The following USP37 variants were observed in gnomAD, a reference collection of about 807,000 sequenced individuals.
USP37 encodes ubiquitin specific peptidase 37, also known as ubiquitin carboxyl-terminal hydrolase 37.
Under a neutral mutation model 124.0 loss-of-function variants are expected in USP37, and 27 were observed. The ratio of observed to expected loss-of-function variants is 0.22; its 90% CI spans 0.16 to 0.30. The LOEUF (loss-of-function observed/expected upper bound fraction) is 0.30. Among genes scored for constraint, USP37 ranks in the 10% least tolerant of loss-of-function variants. The pLI is 1.00. For missense variants in USP37, 889 were observed against 1,140.4 expected (o/e 0.78, Z 3.17); for synonymous variants, 365 against 388.0 (o/e 0.94, Z 0.70).
At chr2:218,476,203 T>A (rs1690965814) in intron 19 of USP37, among the ~76,000 whole-genome samples, 1 of 152,186 alleles carries the variant, frequency 6.6e-6, no homozygotes, top group Non-Finnish European at 1.5e-5. Context: ...ATCCAATTAA[T>A]AAATCCATAA....
At chr2:218,552,436 G>C (rs890813256) in intron 5 of USP37, among the ~76,000 whole-genome samples, 1 of 152,000 alleles carries the variant, frequency 6.6e-6, no homozygotes, top group Non-Finnish European at 1.5e-5. Context: ...TGGCTGTAGG[G>C]CCAGGCAGTG....
At chr2:218,554,680 G>C (rs1054056767) in intron 4 of USP37, among the ~76,000 whole-genome samples, 6 of 151,430 alleles carry the variant, frequency 4.0e-5, no homozygotes, top group African/African-American at 7.3e-5. Context: ...CCAGGAAGTG[G>C]AGGCTGCAGT....
intron 20 of USP37, among the ~76,000 whole-genome samples, chr2:218,474,414 T>C (rs1414365159): frequency 6.6e-6 from 1 of 152,134 alleles, no homozygotes; most frequent in Non-Finnish European, 1.5e-5. Context: ...CAGGCTGGAG[T>C]GCAGTGGTGC....
chr2:218,470,181 C>A lies in USP37; in HGVS notation c.2300-4005G>T, dbSNP rs73074856. ...TTCTTCCCCACGCCCTAATTGAAAC[C>A]CACTCTCTTCCTGATATTCTATATT... On this transcript the variant is annotated intron_variant, in intron 20 of 25. Transcript: ENST00000258399. 2.9e-3 allele frequency among the ~76,000 whole-genome samples: 439 copies of A among 152,242 alleles called. 4 individuals are homozygous for A. The highest frequency in any genetic ancestry group is 0.01 in the African/African-American group (418 of 41,540).
At chr2:218,546,712 C>T (rs1264249988) in intron 7 of USP37, among the ~76,000 whole-genome samples, 2 of 152,216 alleles carry the variant, frequency 1.3e-5, no homozygotes, top group Admixed American at 1.3e-4. Context: ...AGCTATCACA[C>T]CTGGCCCATA....
At chr2:218,456,123 C>G (rs901457449) in intron 24 of USP37, among the ~76,000 whole-genome samples, 4 of 151,904 alleles carry the variant, frequency 2.6e-5, no homozygotes, top group African/African-American at 9.7e-5. Context: ...CCACATTCAC[C>G]TTATCCTCAA....
intron 4 of USP37, among the ~76,000 whole-genome samples, chr2:218,553,962 C>T (rs1692803863): frequency 6.6e-6 from 1 of 151,848 alleles, no homozygotes; most frequent in African/African-American, 2.4e-5. Flanking sequence ...AGATCTTGCA[C>T]CAAGGGTAAT....
chr2:218,487,445 G>A (rs979070038), intron 15 of USP37, among the ~76,000 whole-genome samples: 2 of 150,452 alleles, frequency 1.3e-5, no homozygotes, highest in African/African-American at 4.9e-5. Flanking sequence ...TTTTTGAGAC[G>A]GAGTCTCGTT....
intron 24 of USP37, among the ~76,000 whole-genome samples, chr2:218,456,284 AC>A (rs1300431300): frequency 2.0e-5 from 3 of 151,932 alleles, no homozygotes; most frequent in African/African-American, 7.3e-5. Context: ...ACCCGTCCAT[AC>A]AAAAAATTTA....
At chr2:218,556,946 G>C (rs1034421109) in intron 4 of USP37, among the ~76,000 whole-genome samples, 2 of 152,146 alleles carry the variant, frequency 1.3e-5, no homozygotes, top group Non-Finnish European at 2.9e-5. Flanking sequence ...GAGTGCGGTG[G>C]CATGATCACA....
chr2:218,482,020 C>G, intron 17 of USP37, 50 bp downstream of exon 17: 2 of 1,521,236 alleles, frequency 1.3e-6, no homozygotes, highest in Non-Finnish European at 1.8e-6. Context: ...GATACTAAAG[C>G]CTTTCTATTT....
At position 218,553,735 on chromosome 2, in the gene USP37, C is replaced by T. The variant is rs1692791306; in HGVS notation, c.157-11G>A. ...AATGTTATGACTTAGCTAATCAAGACAAAAGGAAAATTATCATCAAAAATG... is the reference window on the plus strand; with the variant it reads ...AATGTTATGACTTAGCTAATCAAGATAAAAGGAAAATTATCATCAAAAATG... On this transcript the variant is annotated splice_polypyrimidine_tract_variant and intron_variant, in intron 4 of 25. Coordinates refer to ENST00000258399, the MANE Select transcript of USP37 (RefSeq NM_020935.3). The T allele has an allele frequency of 1.3e-6, 2 of 1,592,460 alleles. No individual in the cohort carries two copies. Among genetic ancestry groups the T allele is most frequent in the Non-Finnish European group, 1.7e-6 (2 of 1,168,078 alleles).
At chr2:218,539,910 T>C (rs1691881149) in intron 8 of USP37, among the ~76,000 whole-genome samples, 1 of 151,986 alleles carries the variant, frequency 6.6e-6, no homozygotes, top group Admixed American at 6.6e-5. Context: ...CTCAGGAGGC[T>C]GAGGCAGGAG....
intron 11 of USP37, among the ~76,000 whole-genome samples, chr2:218,498,985 A>T (rs968363556): frequency 1.3e-5 from 2 of 151,990 alleles, no homozygotes; most frequent in Non-Finnish European, 2.9e-5. Context: ...TATTTTAAAA[A>T]CTTTTTATGC....
Position 218,482,831 on chromosome 2 carries a change from A to G in USP37, c.1671-597T>C, listed in dbSNP as rs1033504392. On this transcript the variant is annotated intron_variant, in intron 16 of 25. Transcript: ENST00000258399. ...GGTCTGTAAAGGCTTTTAGCTCTTT[A>G]GAAGCACTGAATTCTTTGTGGTTAA... Among the ~76,000 whole-genome samples, 9 of 152,264 alleles carry G rather than the reference A, an allele frequency of 5.9e-5. No individual in the cohort carries two copies. In the East Asian group the frequency reaches 1.7e-3, roughly 29 times the overall value.
chr2:218,544,460 G>GAGAC (rs1389774036), intron 8 of USP37, among the ~76,000 whole-genome samples: 1 of 136,436 alleles, frequency 7.3e-6, no homozygotes, highest in East Asian at 2.1e-4. Context: ...GAGAGAGAGA[G>GAGAC]ACCCCAATTC....
chr2:218,510,712 G>T (rs550886405), intron 10 of USP37, among the ~76,000 whole-genome samples: 23 of 152,048 alleles, frequency 1.5e-4, no homozygotes, highest in African/African-American at 5.5e-4. Context: ...TAATTTTTTT[G>T]CTGGGTCCGG....
At chr2:218,495,655 C>A (rs1487273276) in intron 14 of USP37, 105 bp downstream of exon 14, 2 of 1,304,108 alleles carry the variant, frequency 1.5e-6, no homozygotes, top group Non-Finnish European at 2.1e-6. Context: ...GAGACCCTGT[C>A]TTAAAAACAG....
chr2:218,514,036 C>G (rs965077626), intron 10 of USP37, among the ~76,000 whole-genome samples: 7 of 152,052 alleles, frequency 4.6e-5, no homozygotes, highest in African/African-American at 1.4e-4. Context: ...CCAGGCTGAT[C>G]TTGAACTCCT....
Sources: gnomAD v4.1 joint callset for allele counts (sites outside exome capture counted in the v4.1 genomes callset) on GRCh38, gnomAD v4.1.1 for gene constraint, MANE v1.5 for transcripts, NCBI Gene and HGNC (gene_info 2026-07-23, HGNC 2026-07-21) for gene names.